MAML2: variants seen among roughly 807,000 people sequenced by gnomAD.
MAML2 encodes the protein mastermind-like protein 2.
MAML2 carries 22 observed loss-of-function variants against 96.1 expected under a neutral mutation model. The observed-to-expected ratio is 0.23, with a 90% CI of 0.16 to 0.33. The LOEUF (loss-of-function observed/expected upper bound fraction) is 0.33. Ranked by LOEUF, MAML2 falls within the 10% of genes least tolerant of loss-of-function variation. The pLI, the probability that MAML2 is intolerant of heterozygous loss-of-function variation, is 1.00. For synonymous variants in MAML2, 561 were observed against 521.3 expected (o/e 1.08, Z -1.04); for missense variants, 1,367 against 1,392.4 (o/e 0.98, Z 0.29).
At position 95,982,121 on chromosome 11, in the gene MAML2, G is replaced by A. The variant is rs533687440; in HGVS notation, c.2456-2158C>T. On this transcript the variant is annotated intron_variant, in intron 4 of 4. Coordinates refer to ENST00000524717, the MANE Select transcript of MAML2 (RefSeq NM_032427.4). ...TGATTTTAAAAAGAGTTTGTATTGCGTTTTGTTGCTTATTTCATCATCAGA... is the reference window on the plus strand; with the variant it reads ...TGATTTTAAAAAGAGTTTGTATTGCATTTTGTTGCTTATTTCATCATCAGA... Among the ~76,000 whole-genome samples, 62 of 152,252 alleles carry A rather than the reference G, an allele frequency of 4.1e-4. 1 individual carries two copies. The South Asian group carries it at 0.012, about 30-fold the overall frequency.
chr11:96,323,819 G>A (rs138225552), intron 1 of MAML2, among the ~76,000 whole-genome samples: 177 of 152,314 alleles, frequency 1.2e-3, no homozygotes, highest in African/African-American at 3.7e-3. Flanking sequence ...CCCATCATGC[G>A]TAGGTATGGC....
rs553747918 is a variant in MAML2, at chr11:96,240,978, G to T, written c.513+100405C>A. Reference sequence around the variant, plus strand: ...ATCAAACAGCATCTCCCTATGCTGTGAACTAGAAACACTACTAGACTAATA... The same window carrying T: ...ATCAAACAGCATCTCCCTATGCTGTTAACTAGAAACACTACTAGACTAATA... On this transcript the variant is annotated intron_variant, in intron 1 of 4. Coordinates refer to ENST00000524717, the MANE Select transcript of MAML2 (RefSeq NM_032427.4). Among the ~76,000 whole-genome samples the T allele has an allele frequency of 3.3e-5, 5 of 152,234 alleles. No homozygotes were observed. In the South Asian group the frequency reaches 1.0e-3, roughly 32 times the overall value.
At chr11:96,214,010 T>C (rs995927224) in intron 1 of MAML2, among the ~76,000 whole-genome samples, 1 of 152,180 alleles carries the variant, frequency 6.6e-6, no homozygotes, top group Non-Finnish European at 1.5e-5. Flanking sequence ...CAACTACAAA[T>C]TCTAATTATT....
intron 2 of MAML2, among the ~76,000 whole-genome samples, chr11:96,055,946 G>C (rs1341847311): frequency 6.6e-6 from 1 of 152,174 alleles, no homozygotes; most frequent in Admixed American, 6.5e-5. Context: ...TTGAAAAAAA[G>C]TAATAGCATT....
intron 1 of MAML2, among the ~76,000 whole-genome samples, chr11:96,178,253 A>T (rs1861425041): frequency 6.6e-6 from 1 of 151,814 alleles, no homozygotes; most frequent in Admixed American, 6.6e-5. Flanking sequence ...GTGGGCCTCG[A>T]CTCTGTGATA....
chr11:96,041,137 T>C (rs1294714842), intron 2 of MAML2, among the ~76,000 whole-genome samples: 4 of 151,986 alleles, frequency 2.6e-5, no homozygotes, highest in Non-Finnish European at 5.9e-5. Flanking sequence ...TCTGAACACA[T>C]GGATTTTGGT....
At chr11:96,054,795 T>C (rs1206984134) in intron 2 of MAML2, among the ~76,000 whole-genome samples, 1 of 152,156 alleles carries the variant, frequency 6.6e-6, no homozygotes, top group African/African-American at 2.4e-5. Flanking sequence ...GTTCTTATGA[T>C]GGCAAACTAA....
chr11:96,330,969 C>A (rs955082208), intron 1 of MAML2, among the ~76,000 whole-genome samples: 5 of 152,112 alleles, frequency 3.3e-5, no homozygotes, highest in African/African-American at 1.2e-4. Context: ...TCATTGTGAT[C>A]ATTTAAAAAG....
intron 2 of MAML2, among the ~76,000 whole-genome samples, chr11:96,033,109 A>G (rs1858645773): frequency 1.3e-5 from 2 of 152,224 alleles, no homozygotes; most frequent in African/African-American, 4.8e-5. Flanking sequence ...CAACAAAACT[A>G]ATACATGCTA....
intron 4 of MAML2, 138 bp from the exon 5 acceptor site, chr11:95,980,101 T>C: frequency 1.4e-6 from 1 of 698,558 alleles, no homozygotes; most frequent in Non-Finnish European, 2.4e-6. Context: ...AAATAAATTA[T>C]ATAAAAGGAA....
intron 2 of MAML2, among the ~76,000 whole-genome samples, chr11:96,015,744 A>G (rs1300446134): frequency 6.6e-6 from 1 of 152,192 alleles, no homozygotes; most frequent in East Asian, 1.9e-4. Flanking sequence ...TGAACTTTGT[A>G]CTTAGACAGA....
chr11:96,137,371 T>C (rs1191297392), intron 1 of MAML2, among the ~76,000 whole-genome samples: 1 of 152,238 alleles, frequency 6.6e-6, no homozygotes, highest in African/African-American at 2.4e-5. Context: ...TCTTACTGTC[T>C]CTTACACGCC....
At chr11:96,173,803 C>T (rs1861340402) in intron 1 of MAML2, among the ~76,000 whole-genome samples, 1 of 152,240 alleles carries the variant, frequency 6.6e-6, no homozygotes, top group Non-Finnish European at 1.5e-5. Context: ...CTTTCTCCAG[C>T]TCCTGCCTCA....
At chr11:96,136,398 G>A (rs1196455380) in intron 1 of MAML2, among the ~76,000 whole-genome samples, 2 of 151,244 alleles carry the variant, frequency 1.3e-5, no homozygotes, top group Non-Finnish European at 2.9e-5. Context: ...ATTTAAAGAT[G>A]TTGTTGATTA....
intron 2 of MAML2, among the ~76,000 whole-genome samples, chr11:96,040,745 C>T (rs955568618): frequency 2.6e-5 from 4 of 152,114 alleles, no homozygotes; most frequent in Non-Finnish European, 5.9e-5. Flanking sequence ...CCCTTCTGGG[C>T]GACAGAGTGA....
At chr11:96,267,588 G>C (rs1016021919) in intron 1 of MAML2, among the ~76,000 whole-genome samples, 2 of 152,156 alleles carry the variant, frequency 1.3e-5, no homozygotes, top group Non-Finnish European at 2.9e-5. Context: ...CACATTCTAG[G>C]TTCATTATTA....
At chr11:95,984,442 T>C (rs1293287878) in intron 4 of MAML2, among the ~76,000 whole-genome samples, 1 of 152,168 alleles carries the variant, frequency 6.6e-6, no homozygotes, top group African/African-American at 2.4e-5. Flanking sequence ...AAAACATACA[T>C]CCCATTCCTA....
chr11:96,058,374 C>T (rs886724513), intron 2 of MAML2, among the ~76,000 whole-genome samples: 2 of 152,190 alleles, frequency 1.3e-5, no homozygotes, highest in African/African-American at 4.8e-5. Flanking sequence ...GGCTGGAGTG[C>T]AGTGGCCCGA....
intron 2 of MAML2, among the ~76,000 whole-genome samples, chr11:96,041,510 AGGAAGGGAAG>A (rs200586055): frequency 0.14 from 14,558 of 103,806 alleles, 956 homozygotes; most frequent in East Asian, 0.47. Flanking sequence ...AAGGAAAGGA[AGGAAGGGAAG>A]GAAGGGAAGG....
Sources: gnomAD v4.1 joint callset for allele counts (sites outside exome capture counted in the v4.1 genomes callset) on GRCh38, gnomAD v4.1.1 for gene constraint, MANE v1.5 for transcripts, NCBI Gene and HGNC (gene_info 2026-07-23, HGNC 2026-07-21) for gene names.